The following ABCA13 variants were observed in gnomAD, a reference collection of about 807,000 sequenced individuals.
ABCA13 encodes ATP-binding cassette sub-family A member 13.
ABCA13 carries 476 observed loss-of-function variants against 478.7 expected under a neutral mutation model. The observed-to-expected ratio is 0.99, with a 90% CI of 0.92 to 1.07. ABCA13 has a LOEUF of 1.07. Among genes scored for constraint, ABCA13 ranks in the 50% least tolerant of loss-of-function variants. The probability of loss-of-function intolerance (pLI) is 0.00; values close to 1 mark genes in which losing one functional copy is unlikely to be tolerated. For synonymous variants in ABCA13, 2,252 were observed against 2,158.9 expected (o/e 1.04, Z -1.20); for missense variants, 6,060 against 5,910.6 (o/e 1.03, Z -0.83).
intron 59 of ABCA13, among the ~76,000 whole-genome samples, chr7:48,638,562 C>A (rs1235852525): frequency 1.3e-5 from 2 of 152,182 alleles, no homozygotes; most frequent in African/African-American, 4.8e-5. Context: ...TATGTTAATA[C>A]CTTGGGTCTG....
intron 57 of ABCA13, among the ~76,000 whole-genome samples, chr7:48,591,819 A>G (rs1016952305): frequency 2.1e-4 from 32 of 151,958 alleles, no homozygotes; most frequent in African/African-American, 7.7e-4. Context: ...TTGATTTTGT[A>G]TCATATGACT....
intron 57 of ABCA13, among the ~76,000 whole-genome samples, 160 bp from the exon 58 acceptor site, chr7:48,594,550 G>C (rs771758923): frequency 2.0e-5 from 3 of 152,044 alleles, no homozygotes; most frequent in Non-Finnish European, 2.9e-5. Context: ...CTATCATTCT[G>C]GCTTTGTTGA....
intron 55 of ABCA13, among the ~76,000 whole-genome samples, chr7:48,543,101 G>A (rs1834043396): frequency 6.6e-6 from 1 of 151,494 alleles, no homozygotes; most frequent in African/African-American, 2.4e-5. Flanking sequence ...TAGAAATAAG[G>A]CAAATAAACA....
chr7:48,314,454 A>G lies in ABCA13; in HGVS notation c.9859+45A>G, dbSNP rs1478234825. 6 of 1,458,888 alleles carry G rather than the reference A, an allele frequency of 4.1e-6. No homozygotes were observed. In the African/African-American group the frequency reaches 7.2e-5, roughly 17 times the overall value. 90.4% of individuals were successfully genotyped at this position (1,458,888 alleles called of 1,614,324 possible). A position where few individuals can be genotyped will look rare whatever the true frequency, so the allele number is the denominator to read the frequency against. On this transcript the variant is annotated intron_variant, in intron 26 of 61. Coordinates refer to ENST00000435803, the MANE Select transcript of ABCA13 (RefSeq NM_152701.5). ...TATATATGTGTTTAGATTCGTTTGT[A>G]TCTTGATAATTGGCCTTAAATTATA...
At chr7:48,374,667 G>T (rs989887985) in intron 34 of ABCA13, among the ~76,000 whole-genome samples, 1 of 152,150 alleles carries the variant, frequency 6.6e-6, no homozygotes, top group Non-Finnish European at 1.5e-5. Flanking sequence ...GCCAATGCTT[G>T]GGTCTTCCTT....
chr7:48,329,404 C>T (rs1420254458), intron 27 of ABCA13, among the ~76,000 whole-genome samples: 1 of 152,124 alleles, frequency 6.6e-6, no homozygotes, highest in East Asian at 1.9e-4. Context: ...ATATTGAGGA[C>T]ATAGGGCATT....
rs752036775 is a variant in ABCA13 at position 48,273,753 on chromosome 7, TTATATGTAAA to T, written c.4090_4099del (p.Tyr1364ProfsTer9). 3 of 1,610,734 alleles carry T rather than the reference TTATATGTAAA, an allele frequency of 1.9e-6. No homozygotes were observed. The highest frequency in any genetic ancestry group is 2.5e-6 in the Non-Finnish European group (3 of 1,178,240). Reference sequence around the variant, plus strand: ...TGAGTGTATTTTAGAAGATGGCTTTTTATATGTAAATACCTCACAGAGGATGTTACGTATT... The same window carrying T: ...TGAGTGTATTTTAGAAGATGGCTTTTTACCTCACAGAGGATGTTACGTATT... On this transcript the variant is annotated frameshift_variant, in exon 17 of 62. Transcript: ENST00000435803. LOFTEE classifies it high-confidence loss of function.
In ABCA13 at chr7:48,645,689, A is replaced by C. The variant is rs537501952; in HGVS notation, c.*177A>C. The C allele has an allele frequency of 1.7e-6, 1 of 588,024 alleles. No individual in the cohort carries two copies. Among genetic ancestry groups the C allele is most frequent in the East Asian group, 3.3e-5 (1 of 30,162 alleles). The allele number at this position is 588,024 out of a possible 1,614,324, so 36.4% of individuals were successfully genotyped here. On this transcript the variant is annotated 3_prime_UTR_variant, in exon 62 of 62. Coordinates refer to ENST00000435803, the MANE Select transcript of ABCA13 (RefSeq NM_152701.5). ...TTGTTAGTTAATAACCACCAAATGG[A>C]AAGGTCATTCTTTCTGCAGACTTTT...
At chr7:48,395,905 A>C (rs1816772491) in intron 38 of ABCA13, among the ~76,000 whole-genome samples, 2 of 152,188 alleles carry the variant, frequency 1.3e-5, no homozygotes, top group South Asian at 4.1e-4. Context: ...TTGACTGTGT[A>C]CAGTGTGGTG....
intron 22 of ABCA13, among the ~76,000 whole-genome samples, chr7:48,297,768 CTCTT>C (rs1178916104): frequency 1.6e-4 from 24 of 147,602 alleles, no homozygotes; most frequent in Admixed American, 3.4e-4. Context: ...TAAGAAGAAG[CTCTT>C]TCTTTCTTTC....
rs1482885397 is a variant in ABCA13 at position 48,603,397 on chromosome 7, T to C, written c.14744+8584T>C. Among the ~76,000 whole-genome samples the C allele has an allele frequency of 1.3e-5, 2 of 152,126 alleles. 1 individual carries two copies. Among genetic ancestry groups the C allele is most frequent in the East Asian group, 3.8e-4 (2 of 5,198 alleles). On this transcript the variant is annotated intron_variant, in intron 58 of 61. Transcript: ENST00000435803. ...TAAATAATCTTATTATTTTGCAGTA[T>C]GTTCCATCAATACCTAGTTTATTGA...
chr7:48,562,101 G>GT (rs1786517575), intron 55 of ABCA13, among the ~76,000 whole-genome samples: 1 of 132,096 alleles, frequency 7.6e-6, no homozygotes, highest in Non-Finnish European at 1.5e-5. Flanking sequence ...ATATGCATAT[G>GT]TATGGGGGGG....
At chr7:48,568,078 C>A (rs1787258044) in intron 55 of ABCA13, among the ~76,000 whole-genome samples, 1 of 152,036 alleles carries the variant, frequency 6.6e-6, no homozygotes, top group South Asian at 2.1e-4. Flanking sequence ...TGCAACAATT[C>A]AGTGATTTTT....
intron 24 of ABCA13, among the ~76,000 whole-genome samples, chr7:48,312,510 G>A (rs1003128943): frequency 1.1e-4 from 17 of 152,124 alleles, no homozygotes; most frequent in Admixed American, 2.0e-4. Context: ...AAGCTTCAGA[G>A]GGCACTGACA....
At chr7:48,353,723 A>G (rs1261805562) in intron 31 of ABCA13, among the ~76,000 whole-genome samples, 2 of 151,898 alleles carry the variant, frequency 1.3e-5, no homozygotes, top group African/African-American at 4.9e-5. Flanking sequence ...CTGGTTGTAC[A>G]GGAAGGACTT....
In ABCA13 at chr7:48,233,998, A is replaced by C. The variant is rs779001315; in HGVS notation, c.764-20A>C. 2.5e-6 allele frequency: 4 copies of C among 1,612,814 alleles called. No individual in the cohort carries two copies. The highest frequency in any genetic ancestry group is 3.4e-6 in the Non-Finnish European group (4 of 1,179,120). On this transcript the variant is annotated intron_variant, in intron 7 of 61. Transcript: ENST00000435803. ...AATATTCAAACAACTGCTGGTGTAA[A>C]TCTTTTGTTATTCCAACAGAGCCAG... is the stretch of plus-strand genomic sequence containing the variant.
At chr7:48,241,172 A>T (rs911995023) in intron 10 of ABCA13, 106 bp downstream of exon 10, 3 of 1,329,228 alleles carry the variant, frequency 2.3e-6, no homozygotes, top group East Asian at 4.7e-5. Flanking sequence ...CTACAGCTAA[A>T]TAATGAATTT....
chr7:48,275,626 A>G lies in ABCA13; in HGVS notation c.5960A>G (p.Asn1987Ser), dbSNP rs374690984. 2 of 1,607,454 alleles carry G rather than the reference A, an allele frequency of 1.2e-6. No individual in the cohort carries two copies. The highest frequency in any genetic ancestry group is 1.7e-6 in the Non-Finnish European group (2 of 1,176,146). ...LSSLNKILNI[N>S]EDTETSVQNI... ...AGTTTAAACAAGATCCTTAACATTA[A>G]TGAAGACACAGAGACATCTGTTCAA... Residue 1987 changes from asparagine (N) to serine (S), a missense_variant, in exon 17 of 62, where the codon AAT (asparagine) becomes AGT (serine). Around this residue, in one of 3 missense-constraint regions of ABCA13, gnomAD observed 4,423 missense variants for 4,309.1 expected, o/e 1.03. Transcript: ENST00000435803.
chr7:48,470,157 CA>C (rs755546041), intron 44 of ABCA13, among the ~76,000 whole-genome samples: 2 of 152,200 alleles, frequency 1.3e-5, no homozygotes, highest in African/African-American at 2.4e-5. Context: ...TCTCATAGAT[CA>C]TCCCCTCTGT....
Sources: gnomAD v4.1 joint callset for allele counts (sites outside exome capture counted in the v4.1 genomes callset) on GRCh38, gnomAD v4.1.1 for gene constraint, gnomAD v4.1.1 regional missense constraint, MANE v1.5 for transcripts, NCBI Gene and HGNC (gene_info 2026-07-23, HGNC 2026-07-21) for gene names.